The following NF1 variants were observed in gnomAD, a reference collection of about 807,000 sequenced individuals.
NF1 encodes the protein neurofibromin.
NF1 carries 122 observed loss-of-function variants against 325.7 expected under a neutral mutation model. The observed-to-expected ratio is 0.37, with a 90% CI of 0.32 to 0.44. The LOEUF is 0.44. NF1 is among the 20% of genes least tolerant of loss of function. The pLI, the probability that NF1 is intolerant of heterozygous loss-of-function variation, is 1.00. For missense variants in NF1, 2,140 were observed against 3,415.4 expected, an observed-to-expected ratio of 0.63 and a Z score of 9.31; for synonymous variants, 1,091 against 1,186.0, an observed-to-expected ratio of 0.92 and a Z score of 1.65.
chr17:31,225,607 C>T (rs924434510), intron 17 of NF1, among the ~76,000 whole-genome samples: 3 of 152,056 alleles, frequency 2.0e-5, no homozygotes, highest in Admixed American at 6.6e-5. Context: ...GAATTCGTAC[C>T]GGCTAACAAA....
In NF1 at chr17:31,221,184, T is replaced by A. The variant is rs148703973; in HGVS notation, c.1642-666T>A. On this transcript the variant is annotated intron_variant, in intron 14 of 57. Coordinates refer to ENST00000358273, the MANE Select transcript of NF1 (RefSeq NM_001042492.3). ...TCGAAGGAAGAGTTTGTGTTTTTTT[T>A]ATATCTTTGATGGTTTTAATTTATA... is the stretch of plus-strand genomic sequence containing the variant. 4.2e-3 allele frequency among the ~76,000 whole-genome samples: 644 copies of A among 152,156 alleles called. 4 individuals carry two copies. The highest frequency in any genetic ancestry group is 0.024 in the Middle Eastern group (7 of 294).
intron 8 of NF1, among the ~76,000 whole-genome samples, chr17:31,196,551 A>G (rs1346292224): frequency 1.3e-5 from 2 of 152,022 alleles, no homozygotes; most frequent in East Asian, 3.8e-4. Context: ...AATCCAGTTT[A>G]TCTGTTTTTT....
chr17:31,099,759 C>A (rs1912132812), intron 1 of NF1, among the ~76,000 whole-genome samples: 2 of 151,822 alleles, frequency 1.3e-5, no homozygotes. Context: ...GGGGGTTTCA[C>A]CGTGTTGGCC....
intron 14 of NF1, among the ~76,000 whole-genome samples, chr17:31,221,089 G>T (rs1304660064): frequency 6.6e-6 from 1 of 152,096 alleles, no homozygotes; most frequent in African/African-American, 2.4e-5. Flanking sequence ...TTTCTGCTGG[G>T]TTGGGGGTGG....
At chr17:31,202,382 T>C (rs888514764) in intron 11 of NF1, among the ~76,000 whole-genome samples, 4 of 152,204 alleles carry the variant, frequency 2.6e-5, no homozygotes, top group African/African-American at 9.6e-5. Context: ...GAGTTGAAAA[T>C]AACCCTTCAC....
At chr17:31,234,662 C>T (rs2067169645) in intron 27 of NF1, among the ~76,000 whole-genome samples, 1 of 102,594 alleles carries the variant, frequency 9.7e-6, no homozygotes. Flanking sequence ...CAGAGCGAGA[C>T]TCTGTCTCAA....
chr17:31,114,407 G>A lies in NF1; in HGVS notation c.60+19038G>A, dbSNP rs139447161. ...TAAAAAATTAGCTGGGCGTGGTGGC[G>A]GGTACCTGTAGTCCCAGCTACTCAG... On this transcript the variant is annotated intron_variant, in intron 1 of 57. Transcript: ENST00000358273. Among the ~76,000 whole-genome samples, 168 of 151,034 alleles carry A rather than the reference G, an allele frequency of 1.1e-3. 1 individual carries two copies. Among genetic ancestry groups the A allele is most frequent in the African/African-American group, 3.7e-3 (153 of 41,104 alleles).
At chr17:31,138,570 C>G (rs1915960072) in intron 1 of NF1, 1 of 150,678 alleles carries the variant, frequency 6.6e-6, no homozygotes, top group Middle Eastern at 3.2e-3. Flanking sequence ...GGCCTGCTCT[C>G]TCTATTTTAA....
At chr17:31,242,305 CTTTTTTTTTTTTT>C (rs200376987) in intron 29 of NF1, among the ~76,000 whole-genome samples, 4 of 68,850 alleles carry the variant, frequency 5.8e-5, no homozygotes, top group African/African-American at 1.3e-4. Flanking sequence ...CATAAGTTCT[CTTTTTTTTTTTTT>C]TTTTTTTTTT....
chr17:31,370,986 A>G (rs1469527999), intron 57 of NF1, among the ~76,000 whole-genome samples: 2 of 152,122 alleles, frequency 1.3e-5, no homozygotes, highest in African/African-American at 4.8e-5. Flanking sequence ...ACGCTGACAA[A>G]TTCATAATTT....
In NF1 at chr17:31,342,427, GTC is replaced by G. The variant is rs540810579; in HGVS notation, c.7063-578_7063-577del. Reference sequence around the variant, plus strand: ...AGCCTGGCCAACATGGTGACACCCTGTCTCTACTAAAAATACAAAAATTAGCC... The same window carrying G: ...AGCCTGGCCAACATGGTGACACCCTGTCTACTAAAAATACAAAAATTAGCC... On this transcript the variant is annotated intron_variant, in intron 47 of 57. Transcript: ENST00000358273. Among the ~76,000 whole-genome samples, 11 of 152,168 alleles carry G rather than the reference GTC, an allele frequency of 7.2e-5. No individual in the cohort carries two copies. The East Asian group carries it at 2.1e-3, about 29-fold the overall frequency.
rs17883138 is a variant in NF1, at chr17:31,236,549, C to A, written c.3974+528C>A. Reference sequence around the variant, plus strand: ...CTGCCTCCCAGGTTCGTGTGATTCTCCTGCCTCAGCCTCCTGAGTAGCTGG... The same window carrying A: ...CTGCCTCCCAGGTTCGTGTGATTCTACTGCCTCAGCCTCCTGAGTAGCTGG... On this transcript the variant is annotated intron_variant, in intron 29 of 57. Coordinates refer to ENST00000358273, the MANE Select transcript of NF1 (RefSeq NM_001042492.3). Among the ~76,000 whole-genome samples the A allele has an allele frequency of 7.5e-3, 1,145 of 152,184 alleles. 21 individuals carry two copies. Among genetic ancestry groups the A allele is most frequent in the African/African-American group, 0.026 (1,098 of 41,490 alleles).
rs767528280 is a variant in NF1, at chr17:31,304,358, T to C, written c.4836-21462T>C. 4 of 1,614,142 alleles carry C rather than the reference T, an allele frequency of 2.5e-6. No individual in the cohort carries two copies. In the South Asian group the frequency reaches 4.4e-5, roughly 18 times the overall value. On this transcript the variant is annotated intron_variant, in intron 36 of 57. Coordinates refer to ENST00000358273, the MANE Select transcript of NF1 (RefSeq NM_001042492.3). Reference sequence around the variant, plus strand: ...AACTCCTGACACTGGATCTCAAGGTTGGAATCTTCTTGGTTTTTCATAAAA... The same window carrying C: ...AACTCCTGACACTGGATCTCAAGGTCGGAATCTTCTTGGTTTTTCATAAAA...
At chr17:31,291,536 G>A (rs1471282585) in intron 36 of NF1, among the ~76,000 whole-genome samples, 1 of 152,126 alleles carries the variant, frequency 6.6e-6, no homozygotes, top group Non-Finnish European at 1.5e-5. Flanking sequence ...ATAGAAATAT[G>A]TTATTCTTCA....
chr17:31,351,305 G>C (rs183151619), intron 50 of NF1, among the ~76,000 whole-genome samples: 1 of 152,194 alleles, frequency 6.6e-6, no homozygotes, highest in East Asian at 1.9e-4. Context: ...AAATAGCTAC[G>C]AGTAGATTTT....
chr17:31,118,042 A>T (rs1322146795), intron 1 of NF1, among the ~76,000 whole-genome samples: 2 of 152,252 alleles, frequency 1.3e-5, no homozygotes. Flanking sequence ...TGGTACGCAT[A>T]TGAAAGTAAT....
chr17:31,298,544 A>T (rs1005149167), intron 36 of NF1, among the ~76,000 whole-genome samples: 3 of 152,086 alleles, frequency 2.0e-5, no homozygotes, highest in African/African-American at 7.2e-5. Context: ...GAGAAACTAT[A>T]CTCTAGGAGC....
At chr17:31,116,094 T>C (rs1913880036) in intron 1 of NF1, among the ~76,000 whole-genome samples, 1 of 152,216 alleles carries the variant, frequency 6.6e-6, no homozygotes, top group Non-Finnish European at 1.5e-5. Flanking sequence ...CTGTAGACTT[T>C]ACTCATGCAG....
At chr17:31,097,950 C>G (rs1022596106) in intron 1 of NF1, among the ~76,000 whole-genome samples, 4 of 151,920 alleles carry the variant, frequency 2.6e-5, no homozygotes, top group African/African-American at 9.7e-5. Context: ...TGCCCCCCAC[C>G]CCCTGCTCGG....
Sources: allele counts gnomAD v4.1 joint callset (sites outside exome capture counted in the v4.1 genomes callset), GRCh38; gene constraint gnomAD v4.1.1; transcripts MANE v1.5; gene names NCBI Gene and HGNC (gene_info 2026-07-23, HGNC 2026-07-21).